MTARC1: variants seen among roughly 807,000 people sequenced by gnomAD.
The protein encoded by MTARC1 is mitochondrial amidoxime-reducing component 1.
Under a neutral mutation model 33.6 loss-of-function variants are expected in MTARC1, and 24 were observed. The observed-to-expected ratio is 0.72, with a 90% CI of 0.52 to 1.01. The LOEUF is 1.01. MTARC1 is among the 50% of genes least tolerant of loss of function. The pLI is 0.00. For synonymous variants in MTARC1, 187 were observed against 189.5 expected (o/e 0.99, Z 0.11); for missense variants, 417 against 445.7 (o/e 0.94, Z 0.58).
intron 1 of MTARC1, among the ~76,000 whole-genome samples, chr1:220,789,425 C>T (rs2248217): frequency 0.99 from 151,154 of 152,292 alleles, 75,028 homozygotes; most frequent in Middle Eastern, 1. Flanking sequence ...ACACTAACAA[C>T]AGCTGATGAG....
At chr1:220,796,526 A>G (rs2102593212) in intron 2 of MTARC1, 117 bp from the exon 3 acceptor site, 1 of 1,237,506 alleles carries the variant, frequency 8.1e-7, no homozygotes, top group Non-Finnish European at 1.1e-6. Flanking sequence ...TCTTCTGATA[A>G]TTAAGAAATG....
chr1:220,797,664 C>T (rs1212239167), intron 3 of MTARC1: 1 of 562,344 alleles, frequency 1.8e-6, no homozygotes, highest in Non-Finnish European at 3.2e-6. Flanking sequence ...GTCCTTGTTC[C>T]CTTCATTCCA....
chr1:220,791,356 C>A, intron 1 of MTARC1, 135 bp from the exon 2 acceptor site: 1 of 903,788 alleles, frequency 1.1e-6, no homozygotes, highest in Non-Finnish European at 1.7e-6. Context: ...CAGACAGACA[C>A]ACACACTCAA....
chr1:220,787,317 G>C (rs1672267117), intron 1 of MTARC1, 98 bp downstream of exon 1: 1 of 1,371,464 alleles, frequency 7.3e-7, no homozygotes, highest in Admixed American at 3.4e-5. Context: ...TCTGCTAACA[G>C]GTCCTTCCTC....
Position 220,797,987 on chromosome 1 carries a change from A to G in MTARC1, c.726A>G (p.Val242=), listed in dbSNP as rs1672675710. The part of the protein sequence containing the change: ...VKATNFRPNI[V]ISGCDVYAED... Reference sequence around the variant, plus strand: ...CAACCAACTTCAGGCCCAATATTGTAATTTCAGGATGCGATGTCTATGCAG... The same window carrying G: ...CAACCAACTTCAGGCCCAATATTGTGATTTCAGGATGCGATGTCTATGCAG... Residue 242 remains valine (V), a synonymous_variant, in exon 4 of 7, where the codon GTA becomes GTG. Transcript: ENST00000366910. The G allele has an allele frequency of 1.2e-6, 2 of 1,614,036 alleles. No individual in the cohort carries two copies. The highest frequency in any genetic ancestry group is 1.7e-5 in the Admixed American group (1 of 60,010).
At chr1:220,792,662 AAAAAG>A (rs1486883212) in intron 2 of MTARC1, among the ~76,000 whole-genome samples, 1 of 151,812 alleles carries the variant, frequency 6.6e-6, no homozygotes, top group Non-Finnish European at 1.5e-5. Context: ...GAAAAAAAAA[AAAAAG>A]AAACAAAAAC....
intron 2 of MTARC1, among the ~76,000 whole-genome samples, chr1:220,794,549 T>G (rs1672543034): frequency 6.6e-6 from 1 of 151,882 alleles, no homozygotes; most frequent in South Asian, 2.1e-4. Flanking sequence ...TTTTTTTTTT[T>G]TGGTTAAAAA....
intron 6 of MTARC1, among the ~76,000 whole-genome samples, chr1:220,807,692 C>A (rs909489544): frequency 2.0e-5 from 3 of 152,080 alleles, no homozygotes; most frequent in Non-Finnish European, 4.4e-5. Flanking sequence ...TCACCATTTG[C>A]CTGCTTGAGA....
rs1335421716 is a variant in MTARC1, at chr1:220,814,888, T to A, written c.*1470T>A. 2.0e-5 allele frequency: 3 copies of A among 152,232 alleles called. No individual in the cohort carries two copies. The highest frequency in any genetic ancestry group is 7.2e-5 in the African/African-American group (3 of 41,462). 9.4% of individuals were successfully genotyped at this position (152,232 alleles called of 1,614,324 possible). On this transcript the variant is annotated 3_prime_UTR_variant, in exon 7 of 7. Transcript: ENST00000366910. ...GCAAGCACCCATGTTTGAAGGACTA[T>A]CAAGTCAACATGCTTTTTACCAAAA... is the stretch of plus-strand genomic sequence containing the variant.
intron 3 of MTARC1, 108 bp from the exon 4 acceptor site, chr1:220,797,766 G>T: frequency 2.0e-6 from 2 of 997,610 alleles, no homozygotes. Context: ...TTGAAAGATT[G>T]TGTGTGGGGT....
At chr1:220,788,085 A>G (rs955614881) in intron 1 of MTARC1, among the ~76,000 whole-genome samples, 10 of 152,234 alleles carry the variant, frequency 6.6e-5, no homozygotes, top group African/African-American at 2.2e-4. Context: ...AATGCTCTCA[A>G]GCACTCTTGT....
intron 2 of MTARC1, chr1:220,793,336 C>A (rs1672492699): frequency 6.6e-6 from 1 of 152,032 alleles, no homozygotes; most frequent in Non-Finnish European, 1.5e-5. Flanking sequence ...ATTTTTAATT[C>A]ATTTGAAATT....
intron 6 of MTARC1, among the ~76,000 whole-genome samples, chr1:220,812,347 G>C (rs886569883): frequency 1.1e-4 from 16 of 152,242 alleles, no homozygotes; most frequent in Non-Finnish European, 1.5e-4. Flanking sequence ...GAAGGTTTGT[G>C]AGCCTAGGAA....
At chr1:220,804,917 G>C (rs1246664286) in intron 4 of MTARC1, 135 bp from the exon 5 acceptor site, 1 of 936,026 alleles carries the variant, frequency 1.1e-6, no homozygotes, top group Admixed American at 1.8e-5. Context: ...GCAGAGCAGG[G>C]CTGGGGGAGA....
chr1:220,801,427 C>T (rs1019804814), intron 4 of MTARC1, among the ~76,000 whole-genome samples: 4 of 152,176 alleles, frequency 2.6e-5, no homozygotes, highest in South Asian at 2.1e-4. Context: ...TATGCAAGCT[C>T]CTTGAGGACA....
chr1:220,809,126 T>G (rs1673053984), intron 6 of MTARC1: 2 of 337,304 alleles, frequency 5.9e-6, no homozygotes, highest in Non-Finnish European at 1.2e-5. Flanking sequence ...CTCTCCACCC[T>G]AGTCTGGCTC....
chr1:220,800,243 T>G (rs1672749240), intron 4 of MTARC1, among the ~76,000 whole-genome samples: 1 of 152,224 alleles, frequency 6.6e-6, no homozygotes, highest in Admixed American at 6.5e-5. Context: ...ACATTCTGTA[T>G]GTGAAGCTGG....
intron 4 of MTARC1, chr1:220,798,278 T>G: frequency 1.5e-6 from 2 of 1,365,022 alleles, no homozygotes; most frequent in Non-Finnish European, 1.9e-6. Flanking sequence ...GTTGACAGGT[T>G]CGTTGTTGAG....
chr1:220,798,140 T>C (rs1459051333), intron 4 of MTARC1, 126 bp downstream of exon 4: 12 of 1,608,214 alleles, frequency 7.5e-6, no homozygotes, highest in Non-Finnish European at 1.0e-5. Flanking sequence ...TACATAACAA[T>C]TTGATTTTTA....
Sources: gnomAD v4.1 joint callset for allele counts (sites outside exome capture counted in the v4.1 genomes callset) on GRCh38, gnomAD v4.1.1 for gene constraint, MANE v1.5 for transcripts, NCBI Gene and HGNC (gene_info 2026-07-23, HGNC 2026-07-21) for gene names.